TBPL1: variants seen among roughly 807,000 people sequenced by gnomAD.
TBPL1 encodes TATA box-binding protein-like 1.
In TBPL1, 4 loss-of-function variants were observed where a neutral mutation model predicts 22.1. The observed-to-expected ratio is 0.18, with a 90% CI of 0.09 to 0.41. The LOEUF (loss-of-function observed/expected upper bound fraction) is 0.41. Ranked by LOEUF, TBPL1 falls within the 10% of genes least tolerant of loss-of-function variation. The pLI, the probability that TBPL1 is intolerant of heterozygous loss-of-function variation, is 1.00. For synonymous variants in TBPL1, 64 were observed against 71.0 expected, an observed-to-expected ratio of 0.90 and a Z score of 0.50; for missense variants, 115 against 222.3, an observed-to-expected ratio of 0.52 and a Z score of 3.07.
At chr6:133,979,720 C>T (rs551184408) in intron 1 of TBPL1, among the ~76,000 whole-genome samples, 2 of 152,242 alleles carry the variant, frequency 1.3e-5, no homozygotes, top group African/African-American at 2.4e-5. Flanking sequence ...GATCTCGGCT[C>T]ACTGCAACCT....
intron 1 of TBPL1, among the ~76,000 whole-genome samples, chr6:133,976,338 A>G (rs186794156): frequency 2.9e-4 from 44 of 152,312 alleles, no homozygotes; most frequent in Admixed American, 7.8e-4. Flanking sequence ...ACAATGTTTC[A>G]GATACGATGT....
At chr6:133,970,381 C>G (rs1315175219) in intron 1 of TBPL1, among the ~76,000 whole-genome samples, 1 of 152,234 alleles carries the variant, frequency 6.6e-6, no homozygotes, top group Admixed American at 6.5e-5. Context: ...CTATTACTCT[C>G]TTTGGTCTGG....
chr6:133,984,581 G>A lies in TBPL1; in HGVS notation c.391G>A (p.Glu131Lys). ...TKNNRPHASYEPELHPAVCYR... is the reference protein window; with the variant it reads ...TKNNRPHASYKPELHPAVCYR... ...ATTGTGGCTTATTTTGTGTAGTTACGAACCTGAACTTCATCCTGCTGTGTG... is the reference window on the plus strand; with the variant it reads ...ATTGTGGCTTATTTTGTGTAGTTACAAACCTGAACTTCATCCTGCTGTGTG... Residue 131 changes from glutamate (E) to lysine (K), a missense_variant, in exon 6 of 7, where the codon GAA becomes AAA. Physicochemically the swap from Glu to Lys is moderately conservative, Grantham distance 56. Coordinates refer to ENST00000237264, the MANE Select transcript of TBPL1 (RefSeq NM_004865.4). 6.2e-7 allele frequency: 1 copy of A among 1,612,966 alleles called. No individual in the cohort carries two copies. Among genetic ancestry groups the A allele is most frequent in the African/African-American group, 1.3e-5 (1 of 74,972 alleles).
At position 133,975,294 on chromosome 6, in the gene TBPL1, GT is replaced by G. The variant is rs543275283; in HGVS notation, c.-44-4787del. Among the ~76,000 whole-genome samples the G allele has an allele frequency of 1.3e-4, 20 of 152,116 alleles. 1 individual carries two copies. Among genetic ancestry groups the G allele is most frequent in the Admixed American group, 1.2e-3 (19 of 15,290 alleles). On this transcript the variant is annotated intron_variant, in intron 1 of 6. Transcript: ENST00000237264. ...ACAACCATGAAGAATTGTATGCCCA[GT>G]AAATTTTAAAATTTAGAAGAAATGG...
At chr6:133,967,257 T>C (rs1001097236) in intron 1 of TBPL1, among the ~76,000 whole-genome samples, 4 of 152,228 alleles carry the variant, frequency 2.6e-5, no homozygotes, top group Non-Finnish European at 5.9e-5. Context: ...ATGAAGGTGA[T>C]GCTCAGCTGT....
chr6:133,968,940 C>T (rs1177564850), intron 1 of TBPL1: 2 of 152,144 alleles, frequency 1.3e-5, no homozygotes, highest in African/African-American at 4.8e-5. Flanking sequence ...AGATTACAGG[C>T]GTGAGGCACC....
intron 1 of TBPL1, among the ~76,000 whole-genome samples, chr6:133,960,128 T>G (rs1330920074): frequency 1.3e-5 from 2 of 152,212 alleles, no homozygotes; most frequent in African/African-American, 4.8e-5. Flanking sequence ...TGAGCATACC[T>G]TAATTGCTTG....
At chr6:133,964,088 G>A (rs1028784827) in intron 1 of TBPL1, among the ~76,000 whole-genome samples, 1 of 152,046 alleles carries the variant, frequency 6.6e-6, no homozygotes, top group African/African-American at 2.4e-5. Context: ...TATCACTCTT[G>A]TGTGTTCTGT....
chr6:133,955,193 C>T (rs1253160058), intron 1 of TBPL1, among the ~76,000 whole-genome samples: 1 of 150,034 alleles, frequency 6.7e-6, no homozygotes. Context: ...CGAAGTGTCC[C>T]TCAACCTCAG....
At chr6:133,963,140 T>C (rs1776053081) in intron 1 of TBPL1, among the ~76,000 whole-genome samples, 1 of 152,104 alleles carries the variant, frequency 6.6e-6, no homozygotes, top group South Asian at 2.1e-4. Context: ...GAAGTGGAGT[T>C]TGGGAAACAA....
chr6:133,956,609 T>G (rs1775931979), intron 1 of TBPL1, among the ~76,000 whole-genome samples: 1 of 152,234 alleles, frequency 6.6e-6, no homozygotes, highest in Non-Finnish European at 1.5e-5. Context: ...TTTTGAAGAT[T>G]ACGTTGTTAA....
At chr6:133,978,718 T>C (rs917333675) in intron 1 of TBPL1, among the ~76,000 whole-genome samples, 2 of 152,164 alleles carry the variant, frequency 1.3e-5, no homozygotes, top group Non-Finnish European at 2.9e-5. Flanking sequence ...TATGGTCTTA[T>C]AGAGGTGTCA....
rs2114384875 is a variant in TBPL1, at chr6:133,982,626, A to G, written c.194A>G (p.Lys65Arg). Residue 65 changes from lysine (K) to arginine (R), a missense_variant, in exon 3 of 7, where the codon AAA becomes AGA. Physicochemically the swap from Lys to Arg is conservative, Grantham distance 26. Transcript: ENST00000237264. ...ACAGCTACAATTTGGTCCTCAGGAA[A>G]AATTATTTGCACTGGAGCAACAAGG... ...RITATIWSSGKIICTGATSEE... is the reference protein window; with the variant it reads ...RITATIWSSGRIICTGATSEE... 6.2e-7 allele frequency: 1 copy of G among 1,613,556 alleles called. No individual in the cohort carries two copies. The highest frequency in any genetic ancestry group is 1.3e-5 in the African/African-American group (1 of 75,012).
chr6:133,971,258 AT>A (rs1256452565), intron 1 of TBPL1, among the ~76,000 whole-genome samples: 1 of 152,120 alleles, frequency 6.6e-6, no homozygotes. Context: ...AACGTCACAA[AT>A]GACAAGATTT....
intron 1 of TBPL1, among the ~76,000 whole-genome samples, chr6:133,962,070 T>A (rs1436405706): frequency 6.6e-6 from 1 of 152,120 alleles, no homozygotes; most frequent in Admixed American, 6.5e-5. Context: ...AAGGACGATT[T>A]AGGCAGCTAT....
intron 1 of TBPL1, among the ~76,000 whole-genome samples, chr6:133,969,959 A>G (rs1361785124): frequency 6.6e-6 from 1 of 152,232 alleles, no homozygotes; most frequent in Non-Finnish European, 1.5e-5. Context: ...TTAGAATTAG[A>G]TGGGAATCTT....
At chr6:133,959,880 A>C (rs184228423) in intron 1 of TBPL1, among the ~76,000 whole-genome samples, 75 of 152,346 alleles carry the variant, frequency 4.9e-4, no homozygotes, top group African/African-American at 1.7e-3. Context: ...AAAAGTGCAA[A>C]TATGAAGATG....
chr6:133,986,637 T>C (rs936565924), intron 6 of TBPL1, among the ~76,000 whole-genome samples: 2 of 152,218 alleles, frequency 1.3e-5, no homozygotes, highest in Non-Finnish European at 2.9e-5. Context: ...ATAGCTGTTA[T>C]TTAGTCCCAT....
intron 4 of TBPL1, among the ~76,000 whole-genome samples, chr6:133,983,877 C>G (rs1029153405): frequency 6.6e-6 from 1 of 152,180 alleles, no homozygotes; most frequent in Non-Finnish European, 1.5e-5. Flanking sequence ...ATTTATCACT[C>G]TATCCCCAGA....
Sources: gnomAD v4.1 joint callset for allele counts (sites outside exome capture counted in the v4.1 genomes callset) on GRCh38, gnomAD v4.1.1 for gene constraint, MANE v1.5 for transcripts, NCBI Gene and HGNC (gene_info 2026-07-23, HGNC 2026-07-21) for gene names.